The following ACOT7 variants were observed in gnomAD, a reference collection of about 807,000 sequenced individuals.
The protein encoded by ACOT7 is acyl-CoA thioesterase 7, also known as cytosolic acyl coenzyme A thioester hydrolase.
A neutral mutation model predicts 40.2 loss-of-function variants in ACOT7; 12 were observed. The ratio of observed to expected loss-of-function variants is 0.30; its 90% confidence interval spans 0.19 to 0.48. The LOEUF (loss-of-function observed/expected upper bound fraction) is 0.48. ACOT7 is among the 20% of genes least tolerant of loss of function. ACOT7 has a pLI of 0.99. For synonymous variants in ACOT7, 228 were observed against 219.5 expected, an observed-to-expected ratio of 1.04 and a Z score of -0.34; for missense variants, 395 against 530.8, an observed-to-expected ratio of 0.74 and a Z score of 2.51.
At chr1:6,390,707 G>A (rs1049371928) in intron 1 of ACOT7, among the ~76,000 whole-genome samples, 3 of 151,720 alleles carry the variant, frequency 2.0e-5, no homozygotes, top group Admixed American at 6.6e-5. Context: ...AGGCCGAGGC[G>A]GGCAGATCAC....
At chr1:6,381,183 T>C (rs931010063) in intron 1 of ACOT7, among the ~76,000 whole-genome samples, 1 of 151,906 alleles carries the variant, frequency 6.6e-6, no homozygotes, top group African/African-American at 2.4e-5. Flanking sequence ...AGTTTCAGAA[T>C]ACTGATGAAA....
intron 6 of ACOT7, 37 bp downstream of exon 6, chr1:6,318,455 G>A: frequency 1.1e-5 from 17 of 1,599,466 alleles, no homozygotes; most frequent in Non-Finnish European, 1.4e-5. Flanking sequence ...ATGAGCCAAG[G>A]GACAGGAATG....
intron 8 of ACOT7, among the ~76,000 whole-genome samples, chr1:6,276,974 C>T (rs185263194): frequency 6.6e-6 from 1 of 152,074 alleles, no homozygotes; most frequent in Admixed American, 6.5e-5. Flanking sequence ...GCTGGCCCTC[C>T]TCCTGCACTC....
At chr1:6,364,017 G>A (rs1557668819) in intron 1 of ACOT7, among the ~76,000 whole-genome samples, 1 of 151,968 alleles carries the variant, frequency 6.6e-6, no homozygotes, top group Admixed American at 6.6e-5. Context: ...GGCTGCAGTG[G>A]GCCAAGATTG....
intron 7 of ACOT7, among the ~76,000 whole-genome samples, chr1:6,290,861 G>GC (rs1188112941): frequency 6.6e-6 from 1 of 152,176 alleles, no homozygotes; most frequent in African/African-American, 2.4e-5. Context: ...TCCGGAGCTA[G>GC]CCCCTTGCCA....
At position 6,344,436 on chromosome 1, in the gene ACOT7, C is replaced by G. The variant is rs115748895; in HGVS notation, c.262-4847G>C. On this transcript the variant is annotated intron_variant, in intron 2 of 8. Coordinates refer to ENST00000361521, the MANE Select transcript of ACOT7 (RefSeq NM_007274.4). ...CATAGGGCAGAAGGCCACTGATGAC[C>G]CTTGAGCTTGGTTCTCTCCCAGCTT... Among the ~76,000 whole-genome samples the G allele has an allele frequency of 7.6e-3, 1,151 of 152,250 alleles. 13 individuals carry two copies. The highest frequency in any genetic ancestry group is 0.026 in the African/African-American group (1,086 of 41,556).
At chr1:6,374,049 T>A (rs1275457174) in intron 1 of ACOT7, among the ~76,000 whole-genome samples, 4 of 152,320 alleles carry the variant, frequency 2.6e-5, no homozygotes, top group Non-Finnish European at 5.9e-5. Context: ...GAATTAAATA[T>A]CCATGGCAAA....
chr1:6,343,843 C>T (rs1292186449), intron 2 of ACOT7, among the ~76,000 whole-genome samples: 1 of 152,254 alleles, frequency 6.6e-6, no homozygotes, highest in Non-Finnish European at 1.5e-5. Flanking sequence ...GGGCAGAGGC[C>T]TTCCACCTCC....
At chr1:6,286,558 G>C (rs1639509188) in intron 7 of ACOT7, among the ~76,000 whole-genome samples, 2 of 152,252 alleles carry the variant, frequency 1.3e-5, no homozygotes, top group Admixed American at 6.5e-5. Context: ...TTAAATCCAG[G>C]CTTGGCCACT....
At chr1:6,389,151 T>C (rs1457020797) in intron 1 of ACOT7, among the ~76,000 whole-genome samples, 3 of 152,274 alleles carry the variant, frequency 2.0e-5, no homozygotes, top group South Asian at 2.1e-4. Flanking sequence ...CAGCTGCTGT[T>C]TATTGACCTG....
intron 1 of ACOT7, among the ~76,000 whole-genome samples, chr1:6,365,578 GCTAAC>G (rs1161228634): frequency 6.6e-6 from 1 of 151,956 alleles, no homozygotes; most frequent in Non-Finnish European, 1.5e-5. Context: ...GACCATCCTG[GCTAAC>G]ACGGTGAAAC....
chr1:6,273,926 C>A (rs1639114871), intron 8 of ACOT7, among the ~76,000 whole-genome samples: 1 of 152,232 alleles, frequency 6.6e-6, no homozygotes, highest in Non-Finnish European at 1.5e-5. Flanking sequence ...GGGCCCTGCC[C>A]CGTGACAAAG....
At chr1:6,304,492 TAAAC>T (rs1234563594) in intron 6 of ACOT7, among the ~76,000 whole-genome samples, 3 of 137,312 alleles carry the variant, frequency 2.2e-5, no homozygotes, top group Non-Finnish European at 4.6e-5. Context: ...GGTCAGCAGA[TAAAC>T]AAGTGAACAA....
At chr1:6,352,000 AG>A (rs1641604832) in intron 1 of ACOT7, among the ~76,000 whole-genome samples, 2 of 152,192 alleles carry the variant, frequency 1.3e-5, no homozygotes, top group African/African-American at 2.4e-5. Context: ...AGTACATGCC[AG>A]GAACTGCAGA....
At chr1:6,393,230 G>T in intron 1 of ACOT7, 27 bp downstream of exon 1, 2 of 1,269,128 alleles carry the variant, frequency 1.6e-6, no homozygotes, top group Non-Finnish European at 2.0e-6. Flanking sequence ...CCTGGCCGCT[G>T]CAGGCTGCGC....
At chr1:6,316,624 A>G (rs1313968557) in intron 6 of ACOT7, among the ~76,000 whole-genome samples, 1 of 152,246 alleles carries the variant, frequency 6.6e-6, no homozygotes, top group Non-Finnish European at 1.5e-5. Flanking sequence ...AGCCTGGCCA[A>G]CATAGTAAAA....
chr1:6,277,401 A>G (rs1368271830), intron 8 of ACOT7, among the ~76,000 whole-genome samples: 1 of 152,218 alleles, frequency 6.6e-6, no homozygotes, highest in East Asian at 1.9e-4. Context: ...AAGGGCTGCT[A>G]TTGGGAGATG....
At chr1:6,323,320 G>A (rs1640699396) in intron 5 of ACOT7, among the ~76,000 whole-genome samples, 1 of 152,164 alleles carries the variant, frequency 6.6e-6, no homozygotes, top group African/African-American at 2.4e-5. Context: ...GGCCCAGTGG[G>A]CTGGCGTGTT....
At position 6,349,787 on chromosome 1, in the gene ACOT7, C is replaced by T. The variant is rs1314714440; in HGVS notation, c.223G>A (p.Ala75Thr). ...TILKMIEEAG[A>T]IISTRHCNSQ... Reference sequence around the variant, plus strand: ...TTGCAATGCCGGGTGCTGATGATGGCGCCTGCCTCCTCGATCATCTTCAGG... The same window carrying T: ...TTGCAATGCCGGGTGCTGATGATGGTGCCTGCCTCCTCGATCATCTTCAGG... The change falls in exon 2 of 9, where the codon GCC becomes ACC. Residue 75 changes from alanine to threonine, a missense_variant. This residue lies in a region of ACOT7 where 309 missense variants were observed against 470.3 expected (regional missense o/e 0.66). Coordinates refer to ENST00000361521, the MANE Select transcript of ACOT7 (RefSeq NM_007274.4). 23 of 1,613,930 alleles carry T rather than the reference C, an allele frequency of 1.4e-5. No individual in the cohort carries two copies. Among genetic ancestry groups the T allele is most frequent in the Admixed American group, 8.3e-5 (5 of 59,996 alleles).
Sources: gnomAD v4.1 joint callset for allele counts (sites outside exome capture counted in the v4.1 genomes callset) on GRCh38, gnomAD v4.1.1 for gene constraint, gnomAD v4.1.1 regional missense constraint, MANE v1.5 for transcripts, NCBI Gene and HGNC (gene_info 2026-07-23, HGNC 2026-07-21) for gene names.